PIK3C2G: variants seen among roughly 807,000 people sequenced by gnomAD.
PIK3C2G encodes phosphatidylinositol-4-phosphate 3-kinase catalytic subunit type 2 gamma.
Under a neutral mutation model 181.1 loss-of-function variants are expected in PIK3C2G, and 168 were observed. The ratio of observed to expected loss-of-function variants is 0.93; its 90% CI spans 0.82 to 1.05. PIK3C2G has a LOEUF of 1.05. PIK3C2G is among the 50% of genes least tolerant of loss of function. The pLI is 0.00. For missense variants in PIK3C2G, 1,869 were observed against 1,732.8 expected (o/e 1.08, Z -1.40); for synonymous variants, 573 against 592.2 (o/e 0.97, Z 0.47).
chr12:18,472,185 A>G (rs1938524791), intron 18 of PIK3C2G, among the ~76,000 whole-genome samples: 1 of 152,202 alleles, frequency 6.6e-6, no homozygotes, highest in Non-Finnish European at 1.5e-5. Flanking sequence ...GAAACAGATT[A>G]AGCAGAAATT....
intron 32 of PIK3C2G, among the ~76,000 whole-genome samples, chr12:18,642,786 CTG>C (rs56095750): frequency 0.13 from 18,668 of 143,034 alleles, 1,231 homozygotes; most frequent in Non-Finnish European, 0.16. Context: ...ATAAGTGACA[CTG>C]TGTGTGTGTG....
chr12:18,725,576 T>TA, the PIK3C2G span, among the ~76,000 whole-genome samples: 6 of 152,122 alleles, frequency 3.9e-5, no homozygotes, highest in Admixed American at 1.3e-4. Flanking sequence ...AACTCCCTCT[T>TA]AAAGTTCTCA....
At chr12:18,318,262 T>C (rs938196007) in intron 6 of PIK3C2G, among the ~76,000 whole-genome samples, 3 of 152,184 alleles carry the variant, frequency 2.0e-5, no homozygotes, top group Non-Finnish European at 4.4e-5. Flanking sequence ...AACAAGAAAG[T>C]AAAAGTAAAC....
intron 24 of PIK3C2G, among the ~76,000 whole-genome samples, chr12:18,519,264 G>C (rs1942755010): frequency 6.6e-6 from 1 of 152,202 alleles, no homozygotes; most frequent in Non-Finnish European, 1.5e-5. Flanking sequence ...CCAGAGCTGA[G>C]TTCAAGTCCT....
chr12:18,331,809 G>C (rs1591977369), intron 8 of PIK3C2G, among the ~76,000 whole-genome samples: 1 of 152,120 alleles, frequency 6.6e-6, no homozygotes, highest in African/African-American at 2.4e-5. Flanking sequence ...AATATAAAAA[G>C]TTAGTTATAT....
At chr12:18,616,081 G>A (rs1407581097) in intron 31 of PIK3C2G, among the ~76,000 whole-genome samples, 1 of 151,860 alleles carries the variant, frequency 6.6e-6, no homozygotes, top group Non-Finnish European at 1.5e-5. Context: ...TAATCTTCTA[G>A]GCTTAGGTCA....
At chr12:18,629,618 G>T (rs79518739) in intron 31 of PIK3C2G, among the ~76,000 whole-genome samples, 3 of 152,170 alleles carry the variant, frequency 2.0e-5, no homozygotes, top group African/African-American at 7.2e-5. Flanking sequence ...GGTAGTTGGC[G>T]TGTAATTGCC....
In PIK3C2G at chr12:18,491,530, C is replaced by A. The variant is rs1047715402; in HGVS notation, c.2765C>A (p.Ala922Asp). The A allele has an allele frequency of 6.2e-7, 1 of 1,600,262 alleles. No individual in the cohort carries two copies. Among genetic ancestry groups the A allele is most frequent in the Admixed American group, 1.7e-5 (1 of 59,878 alleles). The change falls in exon 20 of 33, where the codon GCC becomes GAC. Residue 922 changes from alanine to aspartate, a missense_variant. Coordinates refer to ENST00000538779, the MANE Select transcript of PIK3C2G (RefSeq NM_001288772.2). Reference sequence around the variant, plus strand: ...ACTTGTCATCTTCCTCTGAACCCTGCCCTATGTATAAAAGGGATTGATCAC... The same window carrying A: ...ACTTGTCATCTTCCTCTGAACCCTGACCTATGTATAAAAGGGATTGATCAC... ...VNTCHLPLNP[A>D]LCIKGIDHDA... is the part of the protein sequence containing the mutation.
chr12:18,680,252 A>C, the PIK3C2G span, among the ~76,000 whole-genome samples: 1 of 152,024 alleles, frequency 6.6e-6, no homozygotes, highest in Non-Finnish European at 1.5e-5. Flanking sequence ...TGCACTAACC[A>C]ACAGCACAAG....
At chr12:18,535,718 A>G (rs1474279864) in intron 24 of PIK3C2G, among the ~76,000 whole-genome samples, 1 of 145,152 alleles carries the variant, frequency 6.9e-6, no homozygotes, top group Non-Finnish European at 1.5e-5. Flanking sequence ...TGGAAAAACT[A>G]TTAGAAAACT....
intron 32 of PIK3C2G, 133 bp downstream of exon 32, chr12:18,640,687 C>T (rs149343387): frequency 1.2e-4 from 94 of 802,690 alleles, no homozygotes; most frequent in African/African-American, 1.1e-3. Context: ...CCAAAGTAGT[C>T]GCAGTATGCT....
chr12:18,674,846 G>T, the PIK3C2G span, among the ~76,000 whole-genome samples: 1 of 152,090 alleles, frequency 6.6e-6, no homozygotes, highest in Non-Finnish European at 1.5e-5. Context: ...GCTCTTGTCC[G>T]CTTAGAACAC....
At chr12:18,416,374 T>C (rs1056589304) in intron 16 of PIK3C2G, among the ~76,000 whole-genome samples, 1 of 152,174 alleles carries the variant, frequency 6.6e-6, no homozygotes, top group Non-Finnish European at 1.5e-5. Context: ...CCAGCTAAGG[T>C]CATTGAAGAC....
chr12:18,630,938 T>A (rs559541043), intron 31 of PIK3C2G, among the ~76,000 whole-genome samples: 3 of 152,218 alleles, frequency 2.0e-5, no homozygotes, highest in Admixed American at 1.3e-4. Context: ...CTAATCATTC[T>A]TCAGGGGAGT....
chr12:18,559,351 G>A (rs969970885), intron 26 of PIK3C2G, among the ~76,000 whole-genome samples: 4 of 152,056 alleles, frequency 2.6e-5, no homozygotes, highest in Non-Finnish European at 4.4e-5. Context: ...AGCAGGTGGA[G>A]GCAAACCATT....
intron 18 of PIK3C2G, among the ~76,000 whole-genome samples, chr12:18,434,815 GCTTT>G (rs1392457069): frequency 6.6e-6 from 1 of 152,012 alleles, no homozygotes; most frequent in Non-Finnish European, 1.5e-5. Flanking sequence ...ATATTAATTG[GCTTT>G]CTTTTCAAAA....
chr12:18,635,181 T>G (rs867773505), intron 31 of PIK3C2G, among the ~76,000 whole-genome samples: 35 of 152,160 alleles, frequency 2.3e-4, no homozygotes, highest in African/African-American at 8.2e-4. Context: ...CATGCAGAAC[T>G]ATCCGTAAAC....
chr12:18,695,117 G>C, the PIK3C2G span: 1 of 1,578,380 alleles, frequency 6.3e-7, no homozygotes, highest in South Asian at 1.1e-5. Flanking sequence ...TCAGGTAATA[G>C]AGAATACAAA....
Position 18,414,642 on chromosome 12 carries a change from C to T in PIK3C2G, c.2316-6299C>T, listed in dbSNP as rs539312961. Among the ~76,000 whole-genome samples, 6 of 152,162 alleles carry T rather than the reference C, an allele frequency of 3.9e-5. No homozygotes were observed. The South Asian group carries it at 8.3e-4, about 21-fold the overall frequency. ...GCATACACATACATATCTTCACACA[C>T]GTCACTCATCATATTCTTAAAATAA... On this transcript the variant is annotated intron_variant, in intron 16 of 32. Coordinates refer to ENST00000538779, the MANE Select transcript of PIK3C2G (RefSeq NM_001288772.2).
Sources: allele counts gnomAD v4.1 joint callset (sites outside exome capture counted in the v4.1 genomes callset), GRCh38; gene constraint gnomAD v4.1.1; transcripts MANE v1.5; gene names NCBI Gene and HGNC (gene_info 2026-07-23, HGNC 2026-07-21).